The following MAP2K2 variants were observed in gnomAD, a reference collection of about 807,000 sequenced individuals.
The protein encoded by MAP2K2 is mitogen-activated protein kinase kinase 2.
MAP2K2 carries 24 observed loss-of-function variants against 43.7 expected under a neutral mutation model. The observed-to-expected ratio is 0.55, with a 90% CI of 0.40 to 0.77. The LOEUF is 0.77. Among genes scored for constraint, MAP2K2 ranks in the 30% least tolerant of loss-of-function variants. The pLI is 0.00. For synonymous variants in MAP2K2, 244 were observed against 239.7 expected (o/e 1.02, Z -0.17); for missense variants, 470 against 566.8 (o/e 0.83, Z 1.73).
chr19:4,099,744 A>C, intron 6 of MAP2K2: 1 of 369,286 alleles, frequency 2.7e-6, no homozygotes, highest in Non-Finnish European at 5.0e-6. Flanking sequence ...AGGCTGCTCC[A>C]AGGCTCAATT....
chr19:4,119,961 G>A (rs1262305842), intron 1 of MAP2K2, among the ~76,000 whole-genome samples: 1 of 152,282 alleles, frequency 6.6e-6, no homozygotes, highest in South Asian at 2.1e-4. Flanking sequence ...AGGCGATGGC[G>A]CTGGAGCTGG....
intron 3 of MAP2K2, among the ~76,000 whole-genome samples, chr19:4,104,226 C>T (rs1367489404): frequency 6.9e-6 from 1 of 144,644 alleles, no homozygotes; most frequent in African/African-American, 2.6e-5. Context: ...GATCGTGCCA[C>T]TTCTCTCTCG....
Position 4,092,653 on chromosome 19 carries a change from G to T in MAP2K2, c.1092+1800C>A, listed in dbSNP as rs530126705. Among the ~76,000 whole-genome samples, 19 of 152,196 alleles carry T rather than the reference G, an allele frequency of 1.2e-4. No homozygotes were observed. In the South Asian group the frequency reaches 2.5e-3, roughly 20 times the overall value. ...TTTTTAGTTATTTATTTATTTTGGAGAGGCACAGTCTCACCATGTTGCCCA... is the reference window on the plus strand; with the variant it reads ...TTTTTAGTTATTTATTTATTTTGGATAGGCACAGTCTCACCATGTTGCCCA... On this transcript the variant is annotated intron_variant, in intron 10 of 10. Transcript: ENST00000262948.
At chr19:4,092,323 G>A (rs1006580489) in intron 10 of MAP2K2, among the ~76,000 whole-genome samples, 5 of 152,196 alleles carry the variant, frequency 3.3e-5, no homozygotes, top group Non-Finnish European at 5.9e-5. Flanking sequence ...TTTCAGCCAG[G>A]CCCAGTGGCT....
At position 4,094,439 on chromosome 19, in the gene MAP2K2, C is replaced by A. The variant is rs371297574; in HGVS notation, c.1092+14G>T. On this transcript the variant is annotated intron_variant, in intron 10 of 10. Transcript: ENST00000262948. ...TGCACCCTCCCGGTCCCAGAACCCG[C>A]TGGCATCACTCACTGTGAGCATCTT... 9.0e-6 allele frequency: 14 copies of A among 1,557,392 alleles called. No individual in the cohort carries two copies. The African/African-American group carries it at 1.9e-4, about 21-fold the overall frequency.
rs961629261 is a variant in MAP2K2 at position 4,118,232 on chromosome 19, G to A, written c.93-603C>T. On this transcript the variant is annotated intron_variant, in intron 1 of 10. Transcript: ENST00000262948. ...GGATTATAGGCGTGAGCCATTGCAC[G>A]CGGCCGGGAGACCTCCTTCCTAACG... Among the ~76,000 whole-genome samples the A allele has an allele frequency of 1.2e-4, 18 of 152,294 alleles. 1 individual carries two copies. The highest frequency in any genetic ancestry group is 2.6e-4 in the Admixed American group (4 of 15,282).
intron 3 of MAP2K2, among the ~76,000 whole-genome samples, chr19:4,107,429 C>T (rs940163639): frequency 8.7e-5 from 12 of 138,582 alleles, no homozygotes; most frequent in African/African-American, 2.4e-4. Context: ...GAGGCTGAGG[C>T]GGGAGAATGG....
In MAP2K2 at chr19:4,101,744, G is replaced by C. The variant is rs1169823610; in HGVS notation, c.529-464C>G. 6.6e-6 allele frequency among the ~76,000 whole-genome samples: 1 copy of C among 152,188 alleles called. No homozygotes were observed. The highest frequency in any genetic ancestry group is 1.5e-5 in the Non-Finnish European group (1 of 68,022). ...GCCCGCCCTGGAAGCAGCATCCCGA[G>C]AAGTGAAGCAAGCAGCACAGGCAGT... is the stretch of plus-strand genomic sequence containing the variant. On this transcript the variant is annotated intron_variant, in intron 4 of 10. Coordinates refer to ENST00000262948, the MANE Select transcript of MAP2K2 (RefSeq NM_030662.4). This position sits in a 1 kb window ranked among gnomAD's most constrained non-coding sequence, Gnocchi z 6.3.
intron 10 of MAP2K2, among the ~76,000 whole-genome samples, chr19:4,091,154 C>G (rs2040851141): frequency 1.3e-5 from 2 of 152,174 alleles, no homozygotes; most frequent in Non-Finnish European, 2.9e-5. Flanking sequence ...ATGTCCTCAG[C>G]CATTGCCAGG....
intron 7 of MAP2K2, among the ~76,000 whole-genome samples, chr19:4,098,563 G>A (rs1202627625): frequency 6.6e-6 from 1 of 152,172 alleles, no homozygotes; most frequent in Non-Finnish European, 1.5e-5. Context: ...GTCCGCCCCC[G>A]GCTCTTCCCT....
chr19:4,090,831 C>T, intron 10 of MAP2K2, 123 bp from the exon 11 acceptor site: 2 of 733,084 alleles, frequency 2.7e-6, no homozygotes, highest in South Asian at 3.0e-5. Context: ...GGAGACCCTC[C>T]CTTCCCCACA....
intron 6 of MAP2K2, chr19:4,099,754 T>C (rs1184576487): frequency 2.0e-5 from 7 of 349,466 alleles, no homozygotes; most frequent in Non-Finnish European, 2.6e-5. Context: ...AAGGCTCAAT[T>C]TGGCAGGTTG....
In MAP2K2 at chr19:4,123,944, C is replaced by A. The variant is rs2041337915; in HGVS notation, c.-69G>T. ...CCATAGGGGGCGGGCCGGGAGCGGTCGGCGCCTACGCGAGCCCGGGGCTGC... is the reference window on the plus strand; with the variant it reads ...CCATAGGGGGCGGGCCGGGAGCGGTAGGCGCCTACGCGAGCCCGGGGCTGC... On this transcript the variant is annotated 5_prime_UTR_variant, in exon 1 of 11. Coordinates refer to ENST00000262948, the MANE Select transcript of MAP2K2 (RefSeq NM_030662.4). 6.9e-6 allele frequency: 6 copies of A among 872,314 alleles called. No individual in the cohort carries two copies. The highest frequency in any genetic ancestry group is 5.3e-5 in the South Asian group (1 of 18,970). The allele number at this position is 872,314 out of a possible 1,614,324, so 54.0% of individuals were successfully genotyped here.
In MAP2K2 at chr19:4,117,564, C is replaced by T. The variant is rs1323923681; in HGVS notation, c.158G>A (p.Arg53Gln). The T allele has an allele frequency of 1.2e-6, 2 of 1,614,174 alleles. No individual in the cohort carries two copies. Among genetic ancestry groups the T allele is most frequent in the East Asian group, 2.2e-5 (1 of 44,892 alleles). The stretch of plus-strand genomic sequence containing the variant: ...TTTCTGGGTGAGAAAGGCTTCCAGC[C>T]GCTTCTTCTGCTGCTCGTCAAGTTC... Reference protein sequence around the residue: ...ELELDEQQKKRLEAFLTQKAK... With the variant: ...ELELDEQQKKQLEAFLTQKAK... Residue 53 changes from arginine to glutamine, a missense_variant, in exon 2 of 11, where the codon CGG (arginine) becomes CAG (glutamine). Physicochemically the swap from Arg to Gln is conservative, Grantham distance 43. Around this residue, in one of 3 missense-constraint regions of MAP2K2, gnomAD observed 200 missense variants for 297.9 expected, o/e 0.67. Coordinates refer to ENST00000262948, the MANE Select transcript of MAP2K2 (RefSeq NM_030662.4).
In MAP2K2 at chr19:4,102,837, C is replaced by T. The variant is rs2041034027; in HGVS notation, c.451-384G>A. ...CCTACGTGGTGGGCTTGTCTGTGCG[C>T]CACGGGAGGCGGCCAGGCTGGAGAC... On this transcript the variant is annotated intron_variant, in intron 3 of 10. Coordinates refer to ENST00000262948, the MANE Select transcript of MAP2K2 (RefSeq NM_030662.4). 3.3e-6 allele frequency: 4 copies of T among 1,195,896 alleles called. No individual in the cohort carries two copies. In the South Asian group the frequency reaches 6.5e-5, roughly 19 times the overall value. 74.1% of individuals were successfully genotyped at this position (1,195,896 alleles called of 1,614,324 possible).
intron 1 of MAP2K2, 139 bp downstream of exon 1, chr19:4,123,645 T>G: frequency 4.6e-6 from 1 of 216,732 alleles, no homozygotes; most frequent in Non-Finnish European, 8.2e-6. Context: ...CCCTGCCCCG[T>G]GCACCACTCA....
intron 2 of MAP2K2, among the ~76,000 whole-genome samples, chr19:4,114,728 TC>T (rs1200756997): frequency 5.9e-5 from 9 of 152,040 alleles, no homozygotes; most frequent in Non-Finnish European, 2.9e-5. Context: ...ATGCATGGAT[TC>T]CTTGAGGTCA....
intron 2 of MAP2K2, among the ~76,000 whole-genome samples, chr19:4,112,966 G>A (rs1599302827): frequency 6.6e-6 from 1 of 152,182 alleles, no homozygotes; most frequent in South Asian, 2.1e-4. Context: ...AGCTTGGTGC[G>A]TGTTTTCCAT....
rs1380162746 is a variant in MAP2K2 at position 4,123,826 on chromosome 19, G to A, written c.50C>T (p.Thr17Ile). ...GGTAGGGGATGGGCCCTCGGCGATGGTAGGGTTGATGGTGAGCGCCGGCAG... is the reference window on the plus strand; with the variant it reads ...GGTAGGGGATGGGCCCTCGGCGATGATAGGGTTGATGGTGAGCGCCGGCAG... ...PVLPALTINP[T>I]IAEGPSPTSE... Residue 17 changes from threonine (T) to isoleucine (I), a missense_variant, in exon 1 of 11, where the codon ACC becomes ATC. This residue lies in a region of MAP2K2 where 58 missense variants were observed against 48.0 expected (regional missense o/e 1.21). Coordinates refer to ENST00000262948, the MANE Select transcript of MAP2K2 (RefSeq NM_030662.4). 3.2e-6 allele frequency: 5 copies of A among 1,565,794 alleles called. No individual in the cohort carries two copies. In the South Asian group the frequency reaches 3.5e-5, roughly 11 times the overall value.
Sources: allele counts gnomAD v4.1 joint callset (sites outside exome capture counted in the v4.1 genomes callset), GRCh38; gene constraint gnomAD v4.1.1; regional missense constraint gnomAD v4.1.1; non-coding constraint Gnocchi (gnomAD v3.1); transcripts MANE v1.5; gene names NCBI Gene and HGNC (gene_info 2026-07-23, HGNC 2026-07-21).